CDKN3: variants seen among roughly 807,000 people sequenced by gnomAD.
CDKN3 encodes cyclin dependent kinase inhibitor 3, also known as cyclin-dependent kinase inhibitor 3.
Under a neutral mutation model 36.1 loss-of-function variants are expected in CDKN3, and 19 were observed. The observed-to-expected ratio is 0.53, with a 90% CI of 0.37 to 0.77. The LOEUF (loss-of-function observed/expected upper bound fraction) is 0.77. Among genes scored for constraint, CDKN3 ranks in the 30% least tolerant of loss-of-function variants. The pLI, the probability that CDKN3 is intolerant of heterozygous loss-of-function variation, is 0.00. For missense variants in CDKN3, 188 were observed against 248.6 expected, an observed-to-expected ratio of 0.76 and a Z score of 1.64; for synonymous variants, 71 against 85.3, an observed-to-expected ratio of 0.83 and a Z score of 0.92.
intron 5 of CDKN3, among the ~76,000 whole-genome samples, chr14:54,413,181 G>GA (rs1427642239): frequency 6.6e-6 from 1 of 152,058 alleles, no homozygotes; most frequent in Non-Finnish European, 1.5e-5. Context: ...TTCCTCTATG[G>GA]AAAAAGCATA....
rs2030517742 is a variant in CDKN3 at position 54,415,805 on chromosome 14, A to G, written c.417-94A>G. 13 of 865,368 alleles carry G rather than the reference A, an allele frequency of 1.5e-5. No homozygotes were observed. In the South Asian group the frequency reaches 1.7e-4, roughly 12 times the overall value. The allele number at this position is 865,368 out of a possible 1,614,324, so 53.6% of individuals were successfully genotyped here. A position where few individuals can be genotyped will look rare whatever the true frequency, so the allele number is the denominator to read the frequency against. On this transcript the variant is annotated intron_variant, in intron 5 of 7. Coordinates refer to ENST00000335183, the MANE Select transcript of CDKN3 (RefSeq NM_005192.4). ...TGTGCAAGGCACTGTGCTAGGCATT[A>G]GAGTTGTAAATAGAAGGCAGAAAGA...
chr14:54,403,265 C>T (rs2030029576), intron 3 of CDKN3, among the ~76,000 whole-genome samples: 1 of 152,204 alleles, frequency 6.6e-6, no homozygotes, highest in East Asian at 1.9e-4. Flanking sequence ...AAATCCTTCA[C>T]ATACCTTGTA....
intron 3 of CDKN3, among the ~76,000 whole-genome samples, chr14:54,404,951 T>A (rs1029264012): frequency 2.0e-5 from 3 of 152,210 alleles, no homozygotes; most frequent in African/African-American, 7.2e-5. Context: ...TTCTTTCAAT[T>A]GTGATGTTAG....
At chr14:54,415,217 C>T (rs1237694302) in intron 5 of CDKN3, among the ~76,000 whole-genome samples, 1 of 152,204 alleles carries the variant, frequency 6.6e-6, no homozygotes, top group Non-Finnish European at 1.5e-5. Context: ...CTTTACAGTG[C>T]TAGATAACAG....
At position 54,415,883 on chromosome 14, in the gene CDKN3, T is replaced by C. The variant is rs763978515; in HGVS notation, c.417-16T>C. ...GAATGAAATGTACAAACTTCAAAAC[T>C]GTATTTCCCTTTCAGCTGCTATGGA... On this transcript the variant is annotated splice_polypyrimidine_tract_variant and intron_variant, in intron 5 of 7. Transcript: ENST00000335183. The C allele has an allele frequency of 1.5e-5, 24 of 1,590,264 alleles. No homozygotes were observed. In the Admixed American group the frequency reaches 3.3e-4, roughly 22 times the overall value.
At chr14:54,402,591 C>T (rs933638505) in intron 3 of CDKN3, among the ~76,000 whole-genome samples, 7 of 152,008 alleles carry the variant, frequency 4.6e-5, no homozygotes, top group East Asian at 1.9e-4. Flanking sequence ...TTGTTGCAAT[C>T]GCCTTTGGTG....
intron 2 of CDKN3, 73 bp from the exon 3 acceptor site, chr14:54,401,451 T>C: frequency 2.0e-6 from 2 of 997,870 alleles, no homozygotes; most frequent in Admixed American, 1.8e-5. Context: ...AGCACCCATA[T>C]TGATTAAACT....
intron 7 of CDKN3, 48 bp downstream of exon 7, chr14:54,417,999 A>G: frequency 9.6e-7 from 1 of 1,038,426 alleles, no homozygotes; most frequent in Non-Finnish European, 1.5e-6. Context: ...GGTCGTTGTT[A>G]CAAATACAGA....
At chr14:54,407,820 G>T (rs780958126) in intron 3 of CDKN3, among the ~76,000 whole-genome samples, 4 of 152,192 alleles carry the variant, frequency 2.6e-5, no homozygotes, top group Admixed American at 6.5e-5. Context: ...AGACCACTCA[G>T]CTCCCTGGCT....
At chr14:54,416,038 T>C (rs2030530492) in intron 6 of CDKN3, 108 bp downstream of exon 6, 2 of 843,064 alleles carry the variant, frequency 2.4e-6, no homozygotes, top group Middle Eastern at 2.3e-4. Context: ...AATATAAGTT[T>C]GCTAAGACTC....
chr14:54,405,243 T>C (rs1318251326), intron 3 of CDKN3, among the ~76,000 whole-genome samples: 1 of 152,150 alleles, frequency 6.6e-6, no homozygotes, highest in East Asian at 1.9e-4. Context: ...ATTTGCTGAG[T>C]AGTATTTTGC....
intron 4 of CDKN3, 26 bp downstream of exon 4, chr14:54,408,815 C>T (rs1217741851): frequency 6.5e-7 from 1 of 1,531,624 alleles, no homozygotes; most frequent in Non-Finnish European, 8.7e-7. Flanking sequence ...CGCAACCACA[C>T]TCATGGGTTT....
At chr14:54,413,947 A>C in intron 5 of CDKN3, 3 of 538,844 alleles carry the variant, frequency 5.6e-6, no homozygotes, top group Non-Finnish European at 8.2e-6. Flanking sequence ...GAGCAGAGCC[A>C]TGCCCTCTGA....
In CDKN3 at chr14:54,417,938, T is replaced by C. The variant is rs1301729272; in HGVS notation, c.539T>C (p.Ile180Thr). ...CGAGACCTAAGAGGATCCGGGGCAA[T>C]ACAGACCATCAAGGTGAGGAGGTGG... ...SLRDLRGSGAIQTIKQYNYLH... is the reference protein window; with the variant it reads ...SLRDLRGSGATQTIKQYNYLH... The change falls in exon 7 of 8, where the codon ATA becomes ACA. Residue 180 changes from isoleucine (I) to threonine (T), a missense_variant. By Grantham distance (89) the Ile-to-Thr change is moderately conservative (BLOSUM62 -1). Coordinates refer to ENST00000335183, the MANE Select transcript of CDKN3 (RefSeq NM_005192.4). 1.9e-6 allele frequency: 3 copies of C among 1,584,272 alleles called. No homozygotes were observed. The highest frequency in any genetic ancestry group is 2.7e-5 in the African/African-American group (2 of 74,544).
intron 3 of CDKN3, among the ~76,000 whole-genome samples, chr14:54,402,309 CGTGTGTGTGT>C (rs35529322): frequency 1.2e-4 from 17 of 147,824 alleles, no homozygotes; most frequent in East Asian, 9.9e-4. Flanking sequence ...CATGTGTGTG[CGTGTGTGTGT>C]GTGTGTGTGT....
At chr14:54,410,760 G>A (rs1440322435) in intron 4 of CDKN3, among the ~76,000 whole-genome samples, 3 of 151,102 alleles carry the variant, frequency 2.0e-5, no homozygotes, top group Non-Finnish European at 1.5e-5. Context: ...TTGATTTTGT[G>A]AGAAAAAGAA....
chr14:54,402,300 A>ATGTGTG (rs1491262298), intron 3 of CDKN3, among the ~76,000 whole-genome samples: 1 of 110,288 alleles, frequency 9.1e-6, no homozygotes, highest in African/African-American at 3.4e-5. Flanking sequence ...ATTCCATGGC[A>ATGTGTG]TGTGTGTGCG....
intron 5 of CDKN3, among the ~76,000 whole-genome samples, chr14:54,414,635 T>A (rs1231753667): frequency 6.6e-6 from 1 of 150,628 alleles, no homozygotes; most frequent in Non-Finnish European, 1.5e-5. Context: ...AGCCTTGAAC[T>A]GCCGGGCTCA....
At chr14:54,412,888 G>A (rs992236585) in intron 5 of CDKN3, 2 of 516,876 alleles carry the variant, frequency 3.9e-6, no homozygotes, top group African/African-American at 1.9e-5. Flanking sequence ...AGTTCCTTAA[G>A]GACATTGCTT....
Sources: gnomAD v4.1 joint callset for allele counts (sites outside exome capture counted in the v4.1 genomes callset) on GRCh38, gnomAD v4.1.1 for gene constraint, MANE v1.5 for transcripts, NCBI Gene and HGNC (gene_info 2026-07-23, HGNC 2026-07-21) for gene names.